The following CHKA variants were observed in gnomAD, a reference collection of about 807,000 sequenced individuals.
CHKA encodes choline kinase alpha.
A neutral mutation model predicts 60.1 loss-of-function variants in CHKA; 34 were observed. The observed-to-expected ratio is 0.57, with a 90% confidence interval of 0.43 to 0.75. CHKA has a LOEUF of 0.75. Ranked by LOEUF, CHKA falls within the 30% of genes least tolerant of loss-of-function variation. CHKA has a pLI of 0.00. For synonymous variants in CHKA, 217 were observed against 223.1 expected, an observed-to-expected ratio of 0.97 and a Z score of 0.24; for missense variants, 563 against 561.3, an observed-to-expected ratio of 1.00 and a Z score of -0.03.
At chr11:68,104,579 C>T (rs4460814) in intron 1 of CHKA, among the ~76,000 whole-genome samples, 4,485 of 151,842 alleles carry the variant, frequency 0.03, 230 homozygotes, top group African/African-American at 0.1. Context: ...ACTACCATGC[C>T]CAGCTAATAA....
chr11:68,106,143 C>G (rs1857906513), intron 1 of CHKA, among the ~76,000 whole-genome samples: 1 of 152,090 alleles, frequency 6.6e-6, no homozygotes, highest in Non-Finnish European at 1.5e-5. Flanking sequence ...AGCTATGGCT[C>G]AGGTGAAAAA....
chr11:68,109,024 A>T (rs75771584), intron 1 of CHKA, among the ~76,000 whole-genome samples: 2 of 28,346 alleles, frequency 7.1e-5, no homozygotes, highest in African/African-American at 2.1e-4. Flanking sequence ...TGAGGGGGGG[A>T]AAAAATCCCT....
intron 2 of CHKA, among the ~76,000 whole-genome samples, chr11:68,089,221 G>A (rs1857275790): frequency 6.6e-6 from 1 of 152,028 alleles, no homozygotes; most frequent in Admixed American, 6.6e-5. Flanking sequence ...TCTGATCTAG[G>A]GCAACCTGCT....
chr11:68,068,824 A>C, intron 7 of CHKA, 55 bp downstream of exon 7: 1 of 1,250,978 alleles, frequency 8.0e-7, no homozygotes, highest in South Asian at 1.2e-5. Flanking sequence ...CACTGCCAGT[A>C]ATTTTCTAAG....
rs1855845203 is a variant in CHKA, at chr11:68,052,872, T to G, written c.*1116A>C. The G allele has an allele frequency of 6.6e-6, 1 of 152,276 alleles. No individual in the cohort carries two copies. The allele number at this position is 152,276 out of a possible 1,614,324, so 9.4% of individuals were successfully genotyped here. On this transcript the variant is annotated 3_prime_UTR_variant, in exon 12 of 12. Coordinates refer to ENST00000265689, the MANE Select transcript of CHKA (RefSeq NM_001277.3). ...GACAGCTTGAGGTTGGGTTTTTATT[T>G]TTTTATTTGTATAGTACAATCTCTG... is the stretch of plus-strand genomic sequence containing the variant.
intron 1 of CHKA, among the ~76,000 whole-genome samples, chr11:68,115,730 GAAGA>G (rs1276465352): frequency 2.0e-5 from 3 of 152,006 alleles, no homozygotes; most frequent in Non-Finnish European, 4.4e-5. Flanking sequence ...GTTTAAAAAG[GAAGA>G]AAGAAAAAGA....
chr11:68,083,240 G>A (rs567615032), intron 2 of CHKA, among the ~76,000 whole-genome samples: 1 of 152,288 alleles, frequency 6.6e-6, no homozygotes, highest in East Asian at 1.9e-4. Flanking sequence ...GCTGCCTGGT[G>A]CCACGCAGCC....
Position 68,121,020 on chromosome 11 carries a change from G to C in CHKA, c.158C>G (p.Pro53Arg), listed in dbSNP as rs1858625864. The C allele has an allele frequency of 9.0e-7, 1 of 1,109,492 alleles. No individual in the cohort carries two copies. The highest frequency in any genetic ancestry group is 1.1e-6 in the Non-Finnish European group (1 of 910,528). 68.7% of individuals were successfully genotyped at this position (1,109,492 alleles called of 1,614,324 possible). A position where few individuals can be genotyped will look rare whatever the true frequency, so the allele number is the denominator to read the frequency against. The part of the protein sequence containing the change: ...LESKQLGGQQ[P>R]PLALPPPPPL... ...CGGCGGAGGGGGCAGCGCGAGCGGC[G>C]GCTGTTGGCCGCCCAGCTGCTTGGA... The change falls in exon 1 of 12, where the codon CCG becomes CGG. Residue 53 changes from proline to arginine, a missense_variant. Coordinates refer to ENST00000265689, the MANE Select transcript of CHKA (RefSeq NM_001277.3).
chr11:68,066,086 G>A (rs191402051), intron 8 of CHKA, among the ~76,000 whole-genome samples, 192 bp from the exon 9 acceptor site: 4 of 152,234 alleles, frequency 2.6e-5, no homozygotes, highest in South Asian at 4.2e-4. Context: ...CATCACAGCT[G>A]ACTAAAGCTA....
Position 68,066,534 on chromosome 11 carries a change from A to G in CHKA, c.929-18T>C. 1 of 1,595,652 alleles carries G rather than the reference A, an allele frequency of 6.3e-7. No homozygotes were observed. On this transcript the variant is annotated intron_variant, in intron 7 of 11. Transcript: ENST00000265689. ...GATATTACCTGCAAAAGGTTTGGAT[A>G]ACATGGTTTATGTTTTACAATAGAA...
Position 68,111,120 on chromosome 11 carries a change from A to G in CHKA, c.350+9708T>C, listed in dbSNP as rs191148212. ...CAACCTCAAGAATCATTATGAAGCT[A>G]CATTAATTAGGCCAGGCGCGGTGGC... is the stretch of plus-strand genomic sequence containing the variant. On this transcript the variant is annotated intron_variant, in intron 1 of 11. Transcript: ENST00000265689. Among the ~76,000 whole-genome samples the G allele has an allele frequency of 2.8e-4, 43 of 152,108 alleles. No individual in the cohort carries two copies. The Middle Eastern group carries it at 0.01, about 36-fold the overall frequency.
At chr11:68,097,400 C>T (rs1241464946) in intron 1 of CHKA, among the ~76,000 whole-genome samples, 2 of 152,018 alleles carry the variant, frequency 1.3e-5, no homozygotes, top group African/African-American at 2.4e-5. Flanking sequence ...TTTGGGAGGC[C>T]GAGGCGGGTG....
intron 1 of CHKA, among the ~76,000 whole-genome samples, chr11:68,099,789 T>C (rs542695745): frequency 2.0e-5 from 3 of 152,294 alleles, no homozygotes; most frequent in East Asian, 3.9e-4. Flanking sequence ...ACTCTGGAAA[T>C]CTCAGTCAAA....
chr11:68,107,242 ACT>A (rs756996101), intron 1 of CHKA, among the ~76,000 whole-genome samples: 1 of 151,002 alleles, frequency 6.6e-6, no homozygotes, highest in Non-Finnish European at 1.5e-5. Context: ...ACAGAGTGAG[ACT>A]CTGTCTCAAA....
rs185732117 is a variant in CHKA at position 68,107,291 on chromosome 11, C to T, written c.351-10161G>A. Among the ~76,000 whole-genome samples the T allele has an allele frequency of 6.6e-5, 10 of 152,120 alleles. No individual in the cohort carries two copies. The East Asian group carries it at 1.4e-3, about 21-fold the overall frequency. On this transcript the variant is annotated intron_variant, in intron 1 of 11. Transcript: ENST00000265689. ...TCAAACATTACCAAATGGCGAGATG[C>T]GGGTACAAAATCACCCCACTATTCC...
At chr11:68,118,561 CCTT>C (rs1858483493) in intron 1 of CHKA, among the ~76,000 whole-genome samples, 1 of 152,226 alleles carries the variant, frequency 6.6e-6, no homozygotes, top group African/African-American at 2.4e-5. Context: ...GAATTCCTCT[CCTT>C]CTCCGCACCT....
Position 68,115,673 on chromosome 11 carries a change from T to A in CHKA, c.350+5155A>T, listed in dbSNP as rs1858355857. Among the ~76,000 whole-genome samples, 3 of 152,036 alleles carry A rather than the reference T, an allele frequency of 2.0e-5. No individual in the cohort carries two copies. The South Asian group carries it at 6.2e-4, about 32-fold the overall frequency. ...CTGGGTAACACAGTGAAATCCCCCA[T>A]TTCTAAACAAACAAATACAAGTTGC... On this transcript the variant is annotated intron_variant, in intron 1 of 11. Coordinates refer to ENST00000265689, the MANE Select transcript of CHKA (RefSeq NM_001277.3).
At chr11:68,085,516 C>T (rs929106110) in intron 2 of CHKA, among the ~76,000 whole-genome samples, 1 of 152,070 alleles carries the variant, frequency 6.6e-6, no homozygotes, top group Admixed American at 6.5e-5. Flanking sequence ...CCACCATGAC[C>T]AGCCTGAAAA....
chr11:68,090,331 G>A (rs1483394633), intron 2 of CHKA, among the ~76,000 whole-genome samples: 6 of 152,110 alleles, frequency 3.9e-5, no homozygotes, highest in Non-Finnish European at 7.4e-5. Flanking sequence ...TTTTTTTAAA[G>A]CAGAGTGAAC....
Sources: gnomAD v4.1 joint callset for allele counts (sites outside exome capture counted in the v4.1 genomes callset) on GRCh38, gnomAD v4.1.1 for gene constraint, MANE v1.5 for transcripts, NCBI Gene and HGNC (gene_info 2026-07-23, HGNC 2026-07-21) for gene names.